The following TLN2 variants were observed in gnomAD, a reference collection of about 807,000 sequenced individuals.
The protein encoded by TLN2 is talin-2.
A neutral mutation model predicts 294.7 loss-of-function variants in TLN2; 118 were observed. That is an observed-to-expected ratio of 0.40 (90% CI 0.34 to 0.47). TLN2 has a LOEUF of 0.47. Ranked by LOEUF, TLN2 falls within the 20% of genes least tolerant of loss-of-function variation. The pLI is 0.84. For synonymous variants in TLN2, 1,431 were observed against 1,304.5 expected, an observed-to-expected ratio of 1.10 and a Z score of -2.09; for missense variants, 3,083 against 3,282.2, an observed-to-expected ratio of 0.94 and a Z score of 1.48.
intron 1 of TLN2, among the ~76,000 whole-genome samples, chr15:62,472,882 G>A (rs931600000): frequency 2.0e-5 from 3 of 152,214 alleles, no homozygotes; most frequent in African/African-American, 7.2e-5. Flanking sequence ...AGGCAAGGAA[G>A]CCAGGCCTCT....
chr15:62,499,408 C>T (rs2039187397), intron 1 of TLN2, among the ~76,000 whole-genome samples: 1 of 152,156 alleles, frequency 6.6e-6, no homozygotes, highest in Non-Finnish European at 1.5e-5. Context: ...TGAGATTGCA[C>T]TACTGCACTT....
In TLN2 at chr15:62,843,150, T is replaced by C. The variant is rs796619754; in HGVS notation, c.*2540T>C. The C allele has an allele frequency of 1.5e-4, 23 of 152,256 alleles. No homozygotes were observed. The highest frequency in any genetic ancestry group is 5.1e-4 in the African/African-American group (21 of 41,528). The allele number at this position is 152,256 out of a possible 1,614,324, so 9.4% of individuals were successfully genotyped here. On this transcript the variant is annotated 3_prime_UTR_variant, in exon 59 of 59. Coordinates refer to ENST00000636159, the MANE Select transcript of TLN2 (RefSeq NM_015059.3). ...TAAAAACGGCCCCAGGTCTGGAGCA[T>C]AGAAGTGTATCTCTGTGAAGAGAGA...
chr15:62,542,522 A>G (rs1024291814), intron 1 of TLN2, among the ~76,000 whole-genome samples: 2 of 152,178 alleles, frequency 1.3e-5, no homozygotes, highest in Non-Finnish European at 2.9e-5. Context: ...AATTGACTGC[A>G]GGCAACTGAA....
At chr15:62,798,157 A>G (rs1024778500) in intron 48 of TLN2, among the ~76,000 whole-genome samples, 1 of 151,904 alleles carries the variant, frequency 6.6e-6, no homozygotes, top group East Asian at 1.9e-4. Context: ...GCTTGTGTGG[A>G]GTGGTGGGGC....
At chr15:62,747,013 A>G (rs561420618) in intron 32 of TLN2, among the ~76,000 whole-genome samples, 1 of 152,294 alleles carries the variant, frequency 6.6e-6, no homozygotes, top group Admixed American at 6.5e-5. Context: ...TGCAACACAT[A>G]TCAATGGTGA....
At chr15:62,454,230 A>G (rs2036328086) in intron 1 of TLN2, among the ~76,000 whole-genome samples, 1 of 152,062 alleles carries the variant, frequency 6.6e-6, no homozygotes, top group South Asian at 2.1e-4. Context: ...TTTTCCACTG[A>G]TGTCAGTTTA....
chr15:62,541,488 G>A (rs2041682304), intron 1 of TLN2, among the ~76,000 whole-genome samples: 1 of 152,148 alleles, frequency 6.6e-6, no homozygotes, highest in Admixed American at 6.5e-5. Context: ...GACACTGCCT[G>A]TGTATCTTCT....
At chr15:62,723,723 GT>G (rs1266268467) in intron 26 of TLN2, among the ~76,000 whole-genome samples, 4 of 149,254 alleles carry the variant, frequency 2.7e-5, no homozygotes, top group African/African-American at 2.5e-5. Flanking sequence ...TTTTGTTTGT[GT>G]TTTTTTTTAG....
At chr15:62,655,194 G>A (rs1189050684) in intron 7 of TLN2, among the ~76,000 whole-genome samples, 1 of 152,100 alleles carries the variant, frequency 6.6e-6, no homozygotes, top group Non-Finnish European at 1.5e-5. Context: ...TGGGAGATGT[G>A]GGAGACACGT....
intron 2 of TLN2, among the ~76,000 whole-genome samples, chr15:62,590,309 C>T (rs1251364281): frequency 6.6e-6 from 1 of 152,182 alleles, no homozygotes; most frequent in Non-Finnish European, 1.5e-5. Context: ...TCCCTCTTCC[C>T]AACCTCCATG....
At chr15:62,783,280 C>A (rs963784364) in intron 44 of TLN2, among the ~76,000 whole-genome samples, 2 of 152,256 alleles carry the variant, frequency 1.3e-5, no homozygotes, top group African/African-American at 4.8e-5. Flanking sequence ...CCCTCTCTCA[C>A]CTGGGTGGGA....
chr15:62,475,064 G>T (rs936490309), intron 1 of TLN2, among the ~76,000 whole-genome samples: 1 of 152,236 alleles, frequency 6.6e-6, no homozygotes, highest in South Asian at 2.1e-4. Flanking sequence ...TACCCATTTA[G>T]TGAGGGTGGG....
intron 40 of TLN2, among the ~76,000 whole-genome samples, chr15:62,765,988 T>C (rs1325613525): frequency 6.6e-6 from 1 of 152,234 alleles, no homozygotes; most frequent in Non-Finnish European, 1.5e-5. Flanking sequence ...GAAGAAGTTG[T>C]CGTTCCTTCT....
intron 4 of TLN2, among the ~76,000 whole-genome samples, chr15:62,648,284 C>CGTGGTAT (rs1555456718): frequency 6.6e-6 from 1 of 151,112 alleles, no homozygotes; most frequent in Non-Finnish European, 1.5e-5. Flanking sequence ...AGCTGAGTGT[C>CGTGGTAT]GTGGTATGTG....
intron 10 of TLN2, among the ~76,000 whole-genome samples, chr15:62,674,926 T>G (rs1235256669): frequency 2.0e-5 from 3 of 152,242 alleles, no homozygotes; most frequent in Admixed American, 6.5e-5. Context: ...ATTACAGTTA[T>G]GGACCCTGTT....
intron 43 of TLN2, among the ~76,000 whole-genome samples, chr15:62,779,322 G>T (rs1265245644): frequency 6.6e-6 from 1 of 152,156 alleles, no homozygotes; most frequent in Non-Finnish European, 1.5e-5. Context: ...TTGTGATGTG[G>T]TATCTTTTCT....
chr15:62,444,204 A>G (rs768835630), intron 1 of TLN2, among the ~76,000 whole-genome samples: 24 of 152,338 alleles, frequency 1.6e-4, no homozygotes, highest in Non-Finnish European at 3.2e-4. Flanking sequence ...GGGTGAGGCT[A>G]GTAATTCTGG....
intron 16 of TLN2, among the ~76,000 whole-genome samples, chr15:62,699,403 CT>C (rs1254422238): frequency 1.3e-5 from 2 of 149,014 alleles, no homozygotes; most frequent in African/African-American, 5.0e-5. Context: ...TTTTTTGGAT[CT>C]TGGGTAGGGC....
chr15:62,483,564 T>C (rs1250623182), intron 1 of TLN2, among the ~76,000 whole-genome samples: 1 of 152,210 alleles, frequency 6.6e-6, no homozygotes, highest in Non-Finnish European at 1.5e-5. Context: ...ATTGCTGCTC[T>C]TTTTTCTGGG....
Sources: gnomAD v4.1 joint callset for allele counts (sites outside exome capture counted in the v4.1 genomes callset) on GRCh38, gnomAD v4.1.1 for gene constraint, MANE v1.5 for transcripts, NCBI Gene and HGNC (gene_info 2026-07-23, HGNC 2026-07-21) for gene names.